NME5: variants seen among roughly 807,000 people sequenced by gnomAD.
NME5 encodes the protein NME/NM23 family member 5.
Under a neutral mutation model 21.6 loss-of-function variants are expected in NME5, and 18 were observed. That is an observed-to-expected ratio of 0.83 (90% CI 0.58 to 1.24). NME5 has a LOEUF of 1.24. Ranked by LOEUF, NME5 falls within the 50% of genes most tolerant of loss-of-function variation. The probability of loss-of-function intolerance (pLI) is 0.00; values close to 1 mark genes in which losing one functional copy is unlikely to be tolerated. For synonymous variants in NME5, 70 were observed against 80.6 expected, an observed-to-expected ratio of 0.87 and a Z score of 0.71; for missense variants, 223 against 255.4, an observed-to-expected ratio of 0.87 and a Z score of 0.86.
chr5:138,132,178 G>A (rs1751585812), intron 2 of NME5, among the ~76,000 whole-genome samples: 1 of 152,122 alleles, frequency 6.6e-6, no homozygotes, highest in South Asian at 2.1e-4. Flanking sequence ...TGGGCCACAC[G>A]CAGAAACCCC....
At chr5:138,131,230 A>T (rs1474048133) in intron 2 of NME5, among the ~76,000 whole-genome samples, 2 of 148,646 alleles carry the variant, frequency 1.3e-5, no homozygotes, top group African/African-American at 2.5e-5. Flanking sequence ...AAAAAAAAAA[A>T]ATTAGCCAGC....
At chr5:138,137,760 G>A (rs1751732586) in intron 2 of NME5, among the ~76,000 whole-genome samples, 1 of 151,654 alleles carries the variant, frequency 6.6e-6, no homozygotes, top group Non-Finnish European at 1.5e-5. Flanking sequence ...CAGCACTTTG[G>A]GAGGCCGAGG....
chr5:138,127,284 G>T (rs1751447676), intron 4 of NME5: 1 of 234,048 alleles, frequency 4.3e-6, no homozygotes, highest in Non-Finnish European at 7.0e-6. Context: ...GACCCTGTTG[G>T]CACTAAAAAG....
intron 4 of NME5, among the ~76,000 whole-genome samples, chr5:138,126,815 A>G (rs1011326411): frequency 4.0e-5 from 6 of 151,538 alleles, no homozygotes; most frequent in Non-Finnish European, 7.4e-5. Context: ...GGGCGTGGTG[A>G]TATGCGCCTG....
intron 5 of NME5, among the ~76,000 whole-genome samples, chr5:138,117,219 A>AG (rs1173756258): frequency 6.6e-6 from 1 of 151,198 alleles, no homozygotes; most frequent in East Asian, 1.9e-4. Flanking sequence ...AAAAAAAAAA[A>AG]AAAAAAAGGA....
intron 2 of NME5, chr5:138,138,274 T>G (rs1751757791): frequency 6.1e-6 from 1 of 162,972 alleles, no homozygotes; most frequent in African/African-American, 2.4e-5. Context: ...AAGAGTGAGA[T>G]CAATTCAGAT....
At chr5:138,126,036 T>C (rs936438326) in intron 4 of NME5, among the ~76,000 whole-genome samples, 1 of 152,334 alleles carries the variant, frequency 6.6e-6, no homozygotes, top group East Asian at 1.9e-4. Flanking sequence ...AGGACGCTCA[T>C]ACCACAAACT....
chr5:138,138,127 G>A (rs1306697768), intron 2 of NME5, among the ~76,000 whole-genome samples: 1 of 152,142 alleles, frequency 6.6e-6, no homozygotes, highest in Non-Finnish European at 1.5e-5. Flanking sequence ...TTTACTAATT[G>A]CAGAACATAA....
chr5:138,131,735 C>CTT (rs1213675304), intron 2 of NME5, among the ~76,000 whole-genome samples: 1 of 144,806 alleles, frequency 6.9e-6, no homozygotes, highest in African/African-American at 2.6e-5. Flanking sequence ...ATTTTGAGTG[C>CTT]TTTTTTTTTT....
At chr5:138,133,694 G>A (rs942295838) in intron 2 of NME5, among the ~76,000 whole-genome samples, 1 of 152,184 alleles carries the variant, frequency 6.6e-6, no homozygotes, top group African/African-American at 2.4e-5. Flanking sequence ...AAAGCCTCAA[G>A]TTCATTGGAC....
chr5:138,126,422 G>A (rs1751425870), intron 4 of NME5, among the ~76,000 whole-genome samples: 2 of 134,594 alleles, frequency 1.5e-5, no homozygotes, highest in African/African-American at 5.4e-5. Flanking sequence ...GAGGTGGGAA[G>A]ATTACTTGAG....
intron 2 of NME5, among the ~76,000 whole-genome samples, chr5:138,135,984 C>T (rs1435557930): frequency 6.6e-6 from 1 of 152,164 alleles, no homozygotes; most frequent in Non-Finnish European, 1.5e-5. Flanking sequence ...CTTCCGTTAA[C>T]AGTACAGACA....
chr5:138,122,501 C>A (rs1473589938), intron 4 of NME5, among the ~76,000 whole-genome samples: 1 of 137,786 alleles, frequency 7.3e-6, no homozygotes. Context: ...TTTTTAATGT[C>A]ATTGTGAATG....
At chr5:138,124,035 T>C (rs1009268425) in intron 4 of NME5, among the ~76,000 whole-genome samples, 2 of 147,400 alleles carry the variant, frequency 1.4e-5, no homozygotes, top group Admixed American at 1.4e-4. Flanking sequence ...TTGTTCTTGT[T>C]GCCCAGGCTG....
chr5:138,134,302 G>C (rs1025349266), intron 2 of NME5, among the ~76,000 whole-genome samples: 1 of 150,972 alleles, frequency 6.6e-6, no homozygotes, highest in Non-Finnish European at 1.5e-5. Flanking sequence ...GGAGTGCAGT[G>C]GTGAAATCTC....
At chr5:138,131,884 T>C (rs1751576864) in intron 2 of NME5, among the ~76,000 whole-genome samples, 1 of 151,976 alleles carries the variant, frequency 6.6e-6, no homozygotes, top group African/African-American at 2.4e-5. Context: ...GCTGGGATTA[T>C]AGGTGCCTGC....
intron 3 of NME5, 42 bp downstream of exon 3, chr5:138,129,221 A>T: frequency 1.5e-6 from 2 of 1,326,676 alleles, no homozygotes; most frequent in Non-Finnish European, 2.1e-6. Context: ...ATTTTCACAG[A>T]TGGATTCCAT....
chr5:138,134,332 C>T (rs954785246), intron 2 of NME5, among the ~76,000 whole-genome samples: 2 of 152,148 alleles, frequency 1.3e-5, no homozygotes, highest in Non-Finnish European at 2.9e-5. Context: ...CAACCTCCGC[C>T]TCCCAGATTC....
At chr5:138,119,016 G>T (rs896030436) in intron 4 of NME5, 80 bp from the exon 5 acceptor site, 2 of 816,390 alleles carry the variant, frequency 2.4e-6, no homozygotes, top group Admixed American at 2.6e-5. Flanking sequence ...TCTTTTTAAA[G>T]AACTTTTCTC....
Sources: gnomAD v4.1 joint callset for allele counts (sites outside exome capture counted in the v4.1 genomes callset) on GRCh38, gnomAD v4.1.1 for gene constraint, MANE v1.5 for transcripts, NCBI Gene and HGNC (gene_info 2026-07-23, HGNC 2026-07-21) for gene names.